Variants in NTM observed in about 807,000 individuals in gnomAD.
The protein encoded by NTM is IgLON family member 2.
A neutral mutation model predicts 42.1 loss-of-function variants in NTM; 13 were observed. The observed-to-expected ratio is 0.31, with a 90% CI of 0.20 to 0.49. The LOEUF (loss-of-function observed/expected upper bound fraction) is 0.49. Among genes scored for constraint, NTM ranks in the 20% least tolerant of loss-of-function variants. The probability of loss-of-function intolerance (pLI) is 0.99; values close to 1 mark genes in which losing one functional copy is unlikely to be tolerated. For missense variants in NTM, 373 were observed against 452.8 expected (o/e 0.82, Z 1.60); for synonymous variants, 187 against 179.2 (o/e 1.04, Z -0.35).
chr11:131,466,616 C>A (rs777589473), intron 1 of NTM, among the ~76,000 whole-genome samples: 1 of 152,100 alleles, frequency 6.6e-6, no homozygotes, highest in Non-Finnish European at 1.5e-5. Flanking sequence ...CATGTTATGC[C>A]GCACAAGTTA....
chr11:132,026,147 T>C (rs945445983), intron 2 of NTM, among the ~76,000 whole-genome samples: 1 of 152,202 alleles, frequency 6.6e-6, no homozygotes, highest in Non-Finnish European at 1.5e-5. Context: ...ATGCGGTGCA[T>C]TTTGCAGATA....
intron 1 of NTM, among the ~76,000 whole-genome samples, chr11:131,601,052 GA>G (rs1244877080): frequency 4.6e-5 from 7 of 152,118 alleles, no homozygotes; most frequent in Non-Finnish European, 8.8e-5. Flanking sequence ...TGGAGTTTGG[GA>G]TGGGGCACCT....
At chr11:131,617,553 G>A (rs1359170059) in intron 1 of NTM, among the ~76,000 whole-genome samples, 3 of 152,124 alleles carry the variant, frequency 2.0e-5, no homozygotes, top group South Asian at 2.1e-4. Context: ...TGAGGCAAGC[G>A]TGTGCTCAAG....
intron 1 of NTM, among the ~76,000 whole-genome samples, chr11:131,782,810 T>A (rs1158678804): frequency 2.0e-5 from 3 of 152,236 alleles, no homozygotes; most frequent in African/African-American, 4.8e-5. Flanking sequence ...CTCAGCAAAC[T>A]AAGTAAAGAA....
At position 132,314,894 on chromosome 11, in the gene NTM, C is replaced by CAGAAAGAGAAAGAACAAGA. The variant is rs2095385512; in HGVS notation, c.934+192_934+210dup. ...GACAGAGAGACAGGGAGGAGGCAGA[C>CAGAAAGAGAAAGAACAAGA]AGAAAGAGAAAGAACAAGAGATACA... On this transcript the variant is annotated intron_variant, in intron 7 of 8. Coordinates refer to ENST00000683400, the MANE Select transcript of NTM (RefSeq NM_001352005.2). 44 of 1,349,168 alleles carry CAGAAAGAGAAAGAACAAGA rather than the reference C, an allele frequency of 3.3e-5. 1 individual carries two copies. The South Asian group carries it at 6.3e-4, about 19-fold the overall frequency. 83.6% of individuals were successfully genotyped at this position (1,349,168 alleles called of 1,614,324 possible).
chr11:131,762,962 G>A (rs757915817), intron 1 of NTM, among the ~76,000 whole-genome samples: 6 of 152,182 alleles, frequency 3.9e-5, no homozygotes, highest in South Asian at 4.1e-4. Flanking sequence ...CGGGAATGTC[G>A]CATCATGCCA....
At chr11:131,401,814 A>ATATGTG (rs1555101720) in intron 1 of NTM, among the ~76,000 whole-genome samples, 2 of 27,200 alleles carry the variant, frequency 7.4e-5, no homozygotes, top group African/African-American at 2.1e-4. Flanking sequence ...ATATATATAT[A>ATATGTG]TATATATATA....
chr11:132,132,660 A>G (rs2067036857), intron 2 of NTM, among the ~76,000 whole-genome samples: 1 of 152,148 alleles, frequency 6.6e-6, no homozygotes, highest in African/African-American at 2.4e-5. Context: ...ACTTACATGG[A>G]CCCTCATTAC....
chr11:131,545,675 G>A (rs1036003281), intron 1 of NTM, among the ~76,000 whole-genome samples: 126 of 152,226 alleles, frequency 8.3e-4, no homozygotes, highest in African/African-American at 2.8e-3. Context: ...AATCCATGAA[G>A]GACACAATGG....
chr11:132,068,056 C>T (rs2056788550), intron 2 of NTM, among the ~76,000 whole-genome samples: 1 of 152,164 alleles, frequency 6.6e-6, no homozygotes, highest in South Asian at 2.1e-4. Context: ...TTCTTTCTGA[C>T]CTATGCTGAT....
intron 1 of NTM, among the ~76,000 whole-genome samples, chr11:131,373,355 G>GCTTAAAGCTAGGAAGCTTAAAGCTTA (rs1340836608): frequency 1.3e-5 from 2 of 152,116 alleles, no homozygotes; most frequent in Non-Finnish European, 2.9e-5. Context: ...GTTCTTCCTA[G>GCTTAAAGCTAGGAAGCTTAAAGCTTA]AGCTGCTGCT....
intron 1 of NTM, among the ~76,000 whole-genome samples, chr11:131,644,389 G>A (rs1196289536): frequency 1.3e-5 from 2 of 152,178 alleles, no homozygotes; most frequent in Non-Finnish European, 2.9e-5. Flanking sequence ...ACCTGTGACT[G>A]GGGCTGCCCC....
At chr11:132,287,097 A>C (rs551435675) in intron 4 of NTM, among the ~76,000 whole-genome samples, 3 of 152,332 alleles carry the variant, frequency 2.0e-5, no homozygotes, top group African/African-American at 7.2e-5. Flanking sequence ...TGTCGATGGC[A>C]GAGAATGTGC....
At chr11:132,169,762 A>G (rs1432068927) in intron 3 of NTM, among the ~76,000 whole-genome samples, 3 of 152,188 alleles carry the variant, frequency 2.0e-5, no homozygotes, top group African/African-American at 4.8e-5. Flanking sequence ...GTCAACATGT[A>G]TGGAGCTTCT....
At chr11:131,396,407 C>T (rs930193229) in intron 1 of NTM, among the ~76,000 whole-genome samples, 9 of 152,190 alleles carry the variant, frequency 5.9e-5, no homozygotes, top group Admixed American at 3.9e-4. Context: ...TGCTCTGCAG[C>T]CTTCATCCCC....
At chr11:131,910,493 G>A (rs1008294290) in intron 1 of NTM, among the ~76,000 whole-genome samples, 1 of 149,178 alleles carries the variant, frequency 6.7e-6, no homozygotes, top group Non-Finnish European at 1.5e-5. Flanking sequence ...CTCCCGCCGG[G>A]ATGAGAGCGC....
chr11:131,952,620 C>G (rs952647620), intron 2 of NTM, among the ~76,000 whole-genome samples: 2 of 152,110 alleles, frequency 1.3e-5, no homozygotes, highest in Non-Finnish European at 2.9e-5. Context: ...ATACGCATAA[C>G]CTGATTGTTA....
chr11:131,690,927 G>A (rs944697627), intron 1 of NTM, among the ~76,000 whole-genome samples: 1 of 152,202 alleles, frequency 6.6e-6, no homozygotes, highest in African/African-American at 2.4e-5. Context: ...AGTGGAAGCT[G>A]CCTTGATCGA....
chr11:132,009,015 C>T (rs2071471751), intron 2 of NTM, among the ~76,000 whole-genome samples: 1 of 152,128 alleles, frequency 6.6e-6, no homozygotes, highest in Non-Finnish European at 1.5e-5. Context: ...GAAAGGCAGG[C>T]AGACACCAGA....
Sources: allele counts gnomAD v4.1 joint callset (sites outside exome capture counted in the v4.1 genomes callset), GRCh38; gene constraint gnomAD v4.1.1; transcripts MANE v1.5; gene names NCBI Gene and HGNC (gene_info 2026-07-23, HGNC 2026-07-21).